PIEZO1: variants seen among roughly 807,000 people sequenced by gnomAD.
PIEZO1 encodes piezo-type mechanosensitive ion channel component 1.
Under a neutral mutation model 297.2 loss-of-function variants are expected in PIEZO1, and 296 were observed. The ratio of observed to expected loss-of-function variants is 1.00; its 90% CI spans 0.91 to 1.10. PIEZO1 has a LOEUF of 1.10. Among genes scored for constraint, PIEZO1 ranks in the 50% least tolerant of loss-of-function variants. The pLI, the probability that PIEZO1 is intolerant of heterozygous loss-of-function variation, is 0.00. For missense variants in PIEZO1, 5,018 were observed against 3,455.5 expected (o/e 1.45, Z -11.34); for synonymous variants, 2,427 against 1,507.5 (o/e 1.61, Z -14.13).
chr16:88,724,034 C>G, intron 30 of PIEZO1, 63 bp from the exon 31 acceptor site: 2 of 1,020,090 alleles, frequency 2.0e-6, no homozygotes, highest in Non-Finnish European at 3.0e-6. Context: ...CAGACCCCCT[C>G]CGCCTGCATG....
At chr16:88,763,319 C>G (rs1265473620) in intron 1 of PIEZO1, among the ~76,000 whole-genome samples, 1 of 152,208 alleles carries the variant, frequency 6.6e-6, no homozygotes, top group Non-Finnish European at 1.5e-5. Flanking sequence ...TGGAGGTGAG[C>G]AGAACCGGCT....
intron 1 of PIEZO1, among the ~76,000 whole-genome samples, chr16:88,755,224 T>C (rs961506323): frequency 1.3e-5 from 2 of 152,214 alleles, no homozygotes; most frequent in Non-Finnish European, 1.5e-5. Flanking sequence ...GCCCCCGCCA[T>C]GTGGCTCGGG....
intron 2 of PIEZO1, among the ~76,000 whole-genome samples, chr16:88,748,096 G>A (rs11645303): frequency 0.1 from 15,469 of 152,242 alleles, 1,108 homozygotes; most frequent in Non-Finnish European, 0.16. Flanking sequence ...GTCCTGCTTG[G>A]CCTCCTCTCT....
intron 1 of PIEZO1, among the ~76,000 whole-genome samples, chr16:88,760,360 G>T (rs1277148409): frequency 6.6e-6 from 1 of 152,154 alleles, no homozygotes; most frequent in Non-Finnish European, 1.5e-5. Context: ...TCAAGAAAAA[G>T]CCCAGTCTAT....
intron 1 of PIEZO1, among the ~76,000 whole-genome samples, chr16:88,769,821 T>G (rs974273148): frequency 2.0e-5 from 3 of 152,188 alleles, no homozygotes; most frequent in Admixed American, 6.5e-5. Context: ...ACGAGCCTCA[T>G]GTCACCTCTG....
chr16:88,727,419 G>C (rs1161793189), intron 23 of PIEZO1, 138 bp downstream of exon 23: 1 of 646,376 alleles, frequency 1.5e-6, no homozygotes, highest in African/African-American at 1.8e-5. Flanking sequence ...TGCGTGCGAG[G>C]TCAGGGCCTG....
In PIEZO1 at chr16:88,720,457, G is replaced by A. The variant is rs1343950860; in HGVS notation, c.5877C>T (p.Asp1959=). 18 of 1,550,364 alleles carry A rather than the reference G, an allele frequency of 1.2e-5. No individual in the cohort carries two copies. The highest frequency in any genetic ancestry group is 7.1e-5 in the South Asian group (6 of 84,066). ...CAGCCAGGAACATGAGGGCATAGAC[G>A]TCGGTGGCTGCGCGGTACTTGGTGT... ...ILHTKYRAAT[D]VYALMFLADV... is the part of the protein sequence containing the mutation. The change falls in exon 41 of 51, where the codon GAC becomes GAT. Residue 1959 remains aspartate (D), a synonymous_variant. Transcript: ENST00000301015.
In PIEZO1 at chr16:88,741,634, C is replaced by T. The variant is rs1345135638; in HGVS notation, c.327-18G>A. ...GGTCCAGCCTGCGGAGAGCAGGGAG[C>T]AGCCGCGGTCAGACCAAGAGGACAG... is the stretch of plus-strand genomic sequence containing the variant. On this transcript the variant is annotated intron_variant, in intron 4 of 50. Transcript: ENST00000301015. 6.5e-7 allele frequency: 1 copy of T among 1,530,270 alleles called. No homozygotes were observed. The highest frequency in any genetic ancestry group is 1.2e-5 in the South Asian group (1 of 83,740). The allele number at this position is 1,530,270 out of a possible 1,614,324, so 94.8% of individuals were successfully genotyped here. A position where few individuals can be genotyped will look rare whatever the true frequency, so the allele number is the denominator to read the frequency against.
intron 1 of PIEZO1, among the ~76,000 whole-genome samples, chr16:88,757,753 G>A (rs948165548): frequency 1.3e-5 from 2 of 152,078 alleles, no homozygotes; most frequent in African/African-American, 4.8e-5. Flanking sequence ...ACTCTCCTTG[G>A]GTCCTCCCAA....
Position 88,749,051 on chromosome 16 carries a change from C to A in PIEZO1, c.160+333G>T, listed in dbSNP as rs1007118521. Reference sequence around the variant, plus strand: ...AGGAGATCGAGACCATCCTGGCTATCACGGTGAAACCCCGTCTCTACTAAA... The same window carrying A: ...AGGAGATCGAGACCATCCTGGCTATAACGGTGAAACCCCGTCTCTACTAAA... On this transcript the variant is annotated intron_variant, in intron 2 of 50. Coordinates refer to ENST00000301015, the MANE Select transcript of PIEZO1 (RefSeq NM_001142864.4). Among the ~76,000 whole-genome samples the A allele has an allele frequency of 1.7e-4, 25 of 150,164 alleles. No homozygotes were observed. In the East Asian group the frequency reaches 1.8e-3, roughly 11 times the overall value.
intron 1 of PIEZO1, among the ~76,000 whole-genome samples, chr16:88,783,597 T>C (rs1908032169): frequency 6.6e-6 from 1 of 152,174 alleles, no homozygotes; most frequent in African/African-American, 2.4e-5. Context: ...CCTGCTTGTT[T>C]TCAAGGCACA....
chr16:88,785,053 C>T lies in PIEZO1; in HGVS notation c.-89G>A. The stretch of plus-strand genomic sequence containing the variant: ...GGGCCCCGGGGCCGGCGCGCCATGG[C>T]TGACCCGCGGGGACCCGCGCGCCGC... On this transcript the variant is annotated 5_prime_UTR_variant, in exon 1 of 51. Coordinates refer to ENST00000301015, the MANE Select transcript of PIEZO1 (RefSeq NM_001142864.4). The T allele has an allele frequency of 1.3e-6, 1 of 794,790 alleles. No homozygotes were observed. Among genetic ancestry groups the T allele is most frequent in the Non-Finnish European group, 1.6e-6 (1 of 607,080 alleles). 49.2% of individuals were successfully genotyped at this position (794,790 alleles called of 1,614,324 possible). A position where few individuals can be genotyped will look rare whatever the true frequency, so the allele number is the denominator to read the frequency against.
At chr16:88,720,029 C>A (rs764393721) in intron 42 of PIEZO1, 40 bp downstream of exon 42, 15 of 1,549,314 alleles carry the variant, frequency 9.7e-6, no homozygotes, top group Non-Finnish European at 1.3e-5. Flanking sequence ...CCTGCACTGC[C>A]CCGCCCCTGG....
rs976222392 is a variant in PIEZO1, at chr16:88,720,604, G to A, written c.5801+12C>T. 1.9e-5 allele frequency: 25 copies of A among 1,345,180 alleles called. No homozygotes were observed. The highest frequency in any genetic ancestry group is 7.7e-5 in the African/African-American group (5 of 65,338). The allele number at this position is 1,345,180 out of a possible 1,614,324, so 83.3% of individuals were successfully genotyped here. A position where few individuals can be genotyped will look rare whatever the true frequency, so the allele number is the denominator to read the frequency against. ...CCCCACTCCCCAGCTGCCCCCGGCC[G>A]CCATCACTCACAGGGACAGGCAGAA... is the stretch of plus-strand genomic sequence containing the variant. On this transcript the variant is annotated intron_variant, in intron 40 of 50. Coordinates refer to ENST00000301015, the MANE Select transcript of PIEZO1 (RefSeq NM_001142864.4).
chr16:88,741,533 C>T lies in PIEZO1; in HGVS notation c.410G>A (p.Gly137Asp). The change falls in exon 5 of 51, where the codon GGC (glycine) becomes GAC (aspartate). Residue 137 changes from glycine to aspartate, a missense_variant. Physicochemically the swap from Gly to Asp is moderately conservative, Grantham distance 94 (BLOSUM62 -1). Coordinates refer to ENST00000301015, the MANE Select transcript of PIEZO1 (RefSeq NM_001142864.4). ...GILVVSSVCL[G>D]ICGRLARNTR... Reference sequence around the variant, plus strand: ...GTTCCTTGCAAGGCGCCCGCAGATGCCGAGGCAGACAGAGGAGACCACCAA... The same window carrying T: ...GTTCCTTGCAAGGCGCCCGCAGATGTCGAGGCAGACAGAGGAGACCACCAA... 6.5e-7 allele frequency: 1 copy of T among 1,535,694 alleles called. No individual in the cohort carries two copies. Among genetic ancestry groups the T allele is most frequent in the South Asian group, 1.2e-5 (1 of 84,054 alleles).
Position 88,722,818 on chromosome 16 carries a change from G to A in PIEZO1, c.4668+19C>T. 12 of 1,541,612 alleles carry A rather than the reference G, an allele frequency of 7.8e-6. No individual in the cohort carries two copies. Among genetic ancestry groups the A allele is most frequent in the South Asian group, 1.2e-5 (1 of 83,994 alleles). On this transcript the variant is annotated intron_variant, in intron 34 of 50. Transcript: ENST00000301015. Reference sequence around the variant, plus strand: ...AGTCAGGCAGAGCAGGGACGAGCGTGGTGCACGGGCAGGCTCACCTGCAGG... The same window carrying A: ...AGTCAGGCAGAGCAGGGACGAGCGTAGTGCACGGGCAGGCTCACCTGCAGG...
At chr16:88,783,985 A>C in intron 1 of PIEZO1, among the ~76,000 whole-genome samples, 1 of 152,226 alleles carries the variant, frequency 6.6e-6, no homozygotes, top group East Asian at 1.9e-4. Context: ...CCGTGGGTTA[A>C]TTCCATCCGA....
At chr16:88,717,288 C>G (rs556945131) in intron 44 of PIEZO1, 77 bp from the exon 45 acceptor site, 2 of 1,353,290 alleles carry the variant, frequency 1.5e-6, no homozygotes, top group African/African-American at 2.9e-5. Context: ...TCCAGCTCAC[C>G]CAGCAGCCCA....
chr16:88,772,488 G>T (rs1285250505), intron 1 of PIEZO1, among the ~76,000 whole-genome samples: 1 of 152,142 alleles, frequency 6.6e-6, no homozygotes, highest in African/African-American at 2.4e-5. Flanking sequence ...CTCATAAAAA[G>T]GCCCGTGCCT....
Sources: gnomAD v4.1 joint callset for allele counts (sites outside exome capture counted in the v4.1 genomes callset) on GRCh38, gnomAD v4.1.1 for gene constraint, MANE v1.5 for transcripts, NCBI Gene and HGNC (gene_info 2026-07-23, HGNC 2026-07-21) for gene names.